Variants in ARHGAP6 observed in about 807,000 individuals in gnomAD.
ARHGAP6 encodes the protein rho GTPase-activating protein 6.
Under a neutral mutation model 55.7 loss-of-function variants are expected in ARHGAP6, and 16 were observed. The observed-to-expected ratio is 0.29, with a 90% CI of 0.19 to 0.44. The LOEUF (loss-of-function observed/expected upper bound fraction) is 0.44, where lower values mean the gene tolerates loss of function less well. Ranked by LOEUF, ARHGAP6 falls within the 20% of genes least tolerant of loss-of-function variation. The pLI is 1.00. For missense variants in ARHGAP6, 698 were observed against 808.9 expected (o/e 0.86, Z 1.66); for synonymous variants, 382 against 360.9 (o/e 1.06, Z -0.66).
intron 1 of ARHGAP6, among the ~76,000 whole-genome samples, chrX:11,503,009 C>A (rs1046242982): frequency 9.0e-6 from 1 of 111,029 alleles, no homozygotes; most frequent in African/African-American, 3.3e-5. Context: ...GATTCTCTTG[C>A]CTCAGCCTCC....
intron 1 of ARHGAP6, among the ~76,000 whole-genome samples, chrX:11,320,125 A>T (rs890458565): frequency 1.8e-5 from 2 of 112,095 alleles, no homozygotes; most frequent in African/African-American, 6.5e-5. Context: ...AGCTTCTCAG[A>T]GACAGCTCTG....
chrX:11,384,609 C>T (rs144986685), intron 1 of ARHGAP6, among the ~76,000 whole-genome samples: 1 of 112,316 alleles, frequency 8.9e-6, no homozygotes, highest in African/African-American at 3.2e-5. Context: ...GTAGACAATA[C>T]AATGTTGCAT....
chrX:11,318,811 A>C (rs2048391503), intron 1 of ARHGAP6: 1 of 112,914 alleles, frequency 8.9e-6, no homozygotes. Context: ...TCAACTGTTG[A>C]TCCAGTCCCC....
At chrX:11,215,309 C>T (rs2046864432) in intron 2 of ARHGAP6, among the ~76,000 whole-genome samples, 1 of 112,984 alleles carries the variant, frequency 8.9e-6, no homozygotes, top group South Asian at 3.7e-4. Flanking sequence ...TCCGGCCACA[C>T]GGGGTCGCTG....
At chrX:11,656,241 T>C (rs2052636045) in intron 1 of ARHGAP6, among the ~76,000 whole-genome samples, 1 of 112,512 alleles carries the variant, frequency 8.9e-6, no homozygotes, top group South Asian at 3.7e-4. Flanking sequence ...TGAAGCATGC[T>C]ATGTTCCCTC....
At chrX:11,402,839 C>A (rs968708731) in intron 1 of ARHGAP6, among the ~76,000 whole-genome samples, 2 of 111,612 alleles carry the variant, frequency 1.8e-5, no homozygotes, top group Non-Finnish European at 3.8e-5. Flanking sequence ...CATTATCACA[C>A]ACTCTATTTA....
intron 10 of ARHGAP6, among the ~76,000 whole-genome samples, chrX:11,151,194 G>T (rs757071999): frequency 1.8e-5 from 2 of 111,012 alleles, no homozygotes; most frequent in East Asian, 5.6e-4. Context: ...TTGAAGAAAA[G>T]AGCATATATA....
rs964512216 is a variant in ARHGAP6 at position 11,298,405 on chromosome X, T to C, written c.589-43698A>G. On this transcript the variant is annotated intron_variant, in intron 1 of 12. Transcript: ENST00000337414. Reference sequence around the variant, plus strand: ...GGGAAATTTAGTTTGTAAAAAATCATATCTGTGTACACAGTTACAAATTTT... The same window carrying C: ...GGGAAATTTAGTTTGTAAAAAATCACATCTGTGTACACAGTTACAAATTTT... The C allele has an allele frequency of 7.3e-5, 81 of 1,116,835 alleles. No individual in the cohort carries two copies. The Admixed American group carries it at 1.7e-3, about 24-fold the overall frequency. 92.0% of individuals were successfully genotyped at this position (1,116,835 alleles called of 1,213,427 possible). A position where few individuals can be genotyped will look rare whatever the true frequency, so the allele number is the denominator to read the frequency against.
At chrX:11,336,964 C>G (rs2147645167) in intron 1 of ARHGAP6, among the ~76,000 whole-genome samples, 1 of 110,929 alleles carries the variant, frequency 9.0e-6, no homozygotes, top group Non-Finnish European at 1.9e-5. Context: ...TACACCGGGT[C>G]AGTTTACTTC....
intron 1 of ARHGAP6, among the ~76,000 whole-genome samples, chrX:11,292,115 A>T (rs2055585300): frequency 8.9e-6 from 1 of 112,133 alleles, no homozygotes; most frequent in Non-Finnish European, 1.9e-5. Context: ...AGGCTCAGAC[A>T]GGCTAAGTAA....
chrX:11,430,369 T>C (rs2049929819), intron 1 of ARHGAP6, among the ~76,000 whole-genome samples: 1 of 112,423 alleles, frequency 8.9e-6, no homozygotes, highest in African/African-American at 3.2e-5. Context: ...TCAAGTGCAA[T>C]AGGATTGTTT....
chrX:11,242,807 G>A lies in ARHGAP6; in HGVS notation c.748+11741C>T, dbSNP rs148384594. On this transcript the variant is annotated intron_variant, in intron 2 of 12. Transcript: ENST00000337414. ...CAAGAAAATTAAAACCCAAATTTTG[G>A]GAGTCTTATCATTACTTGTTAAAGT... Among the ~76,000 whole-genome samples, 4 of 111,358 alleles carry A rather than the reference G, an allele frequency of 3.6e-5. No homozygotes were observed. The East Asian group carries it at 1.1e-3, about 31-fold the overall frequency.
At chrX:11,162,856 T>A (rs954245373) in intron 9 of ARHGAP6, among the ~76,000 whole-genome samples, 1 of 112,399 alleles carries the variant, frequency 8.9e-6, no homozygotes, top group Non-Finnish European at 1.9e-5. Context: ...ACTTCAAAAC[T>A]TTTTGAAAAA....
At chrX:11,541,221 G>A (rs2051154617) in intron 1 of ARHGAP6, among the ~76,000 whole-genome samples, 1 of 111,401 alleles carries the variant, frequency 9.0e-6, no homozygotes, top group Admixed American at 9.5e-5. Context: ...GAAAACATGG[G>A]CAAGAGCCTT....
At chrX:11,366,567 A>T (rs1454032990) in intron 1 of ARHGAP6, among the ~76,000 whole-genome samples, 1 of 111,850 alleles carries the variant, frequency 8.9e-6, no homozygotes, top group Non-Finnish European at 1.9e-5. Flanking sequence ...AACGAAAGGT[A>T]TTTGAGAGTA....
intron 1 of ARHGAP6, among the ~76,000 whole-genome samples, chrX:11,584,922 CCCACCCT>C (rs988991900): frequency 9.0e-5 from 10 of 111,302 alleles, no homozygotes; most frequent in Admixed American, 5.7e-4. Flanking sequence ...TTGTACAAGC[CCCACCCT>C]CCACCCTCCA....
Position 11,141,064 on chromosome X carries a change from G to C in ARHGAP6, c.2257+1169C>G, listed in dbSNP as rs185432436. 1.3e-4 allele frequency among the ~76,000 whole-genome samples: 14 copies of C among 111,789 alleles called. No homozygotes were observed. In the East Asian group the frequency reaches 3.4e-3, roughly 27 times the overall value. ...ATACAGTGAGATATAGTTAGAAAAG[G>C]AATCAGCACTAGAGGGCATTACATT... On this transcript the variant is annotated intron_variant, in intron 12 of 12. Transcript: ENST00000337414.
At chrX:11,383,992 AT>A (rs2049293781) in intron 1 of ARHGAP6, among the ~76,000 whole-genome samples, 1 of 111,397 alleles carries the variant, frequency 9.0e-6, no homozygotes, top group African/African-American at 3.3e-5. Flanking sequence ...GAGTGACAGA[AT>A]TTTAATGCTT....
chrX:11,652,300 G>C (rs1460238339), intron 1 of ARHGAP6, among the ~76,000 whole-genome samples: 2 of 111,602 alleles, frequency 1.8e-5, no homozygotes, highest in Non-Finnish European at 3.8e-5. Context: ...GTTAATTTTT[G>C]TATATGGTGA....
Sources: allele counts gnomAD v4.1 joint callset (sites outside exome capture counted in the v4.1 genomes callset), GRCh38; gene constraint gnomAD v4.1.1; transcripts MANE v1.5; gene names NCBI Gene and HGNC (gene_info 2026-07-23, HGNC 2026-07-21).